Variants in CDH7 observed in about 807,000 individuals in gnomAD.
CDH7 encodes cadherin 7.
CDH7 carries 25 observed loss-of-function variants against 71.8 expected under a neutral mutation model. The observed-to-expected ratio is 0.35, with a 90% CI of 0.25 to 0.49. The LOEUF is 0.49. Among genes scored for constraint, CDH7 ranks in the 20% least tolerant of loss-of-function variants. CDH7 has a pLI of 0.99. For synonymous variants in CDH7, 381 were observed against 363.8 expected, an observed-to-expected ratio of 1.05 and a Z score of -0.54; for missense variants, 862 against 974.6, an observed-to-expected ratio of 0.88 and a Z score of 1.54.
intron 6 of CDH7, among the ~76,000 whole-genome samples, chr18:65,841,460 C>T (rs962521210): frequency 1.3e-5 from 2 of 152,020 alleles, no homozygotes; most frequent in South Asian, 2.1e-4. Flanking sequence ...GCTGACAAAT[C>T]GGATTTCTAA....
At chr18:65,768,962 C>T (rs531665752) in intron 2 of CDH7, among the ~76,000 whole-genome samples, 8 of 151,156 alleles carry the variant, frequency 5.3e-5, no homozygotes, top group East Asian at 1.9e-4. Context: ...AAATATTTAT[C>T]GCATACTTAT....
chr18:65,868,385 C>T (rs1913829529), intron 11 of CDH7, among the ~76,000 whole-genome samples: 1 of 152,160 alleles, frequency 6.6e-6, no homozygotes, highest in South Asian at 2.1e-4. Context: ...AGGAAATACA[C>T]AAAAAGTTAC....
Position 65,884,587 on chromosome 18 carries a change from C to T in CDH7, c.*3693C>T, listed in dbSNP as rs1033668227. 2 of 152,120 alleles carry T rather than the reference C, an allele frequency of 1.3e-5. No individual in the cohort carries two copies. The highest frequency in any genetic ancestry group is 4.8e-5 in the African/African-American group (2 of 41,422). The allele number at this position is 152,120 out of a possible 1,614,324, so 9.4% of individuals were successfully genotyped here. On this transcript the variant is annotated 3_prime_UTR_variant, in exon 12 of 12. Coordinates refer to ENST00000397968, the MANE Select transcript of CDH7 (RefSeq NM_004361.5). ...TAGACATAGGCAATTATTTTCATGTCAACGGCATAGTTACACAATGTAGGA... is the reference window on the plus strand; with the variant it reads ...TAGACATAGGCAATTATTTTCATGTTAACGGCATAGTTACACAATGTAGGA...
chr18:65,852,414 A>G (rs753230675), intron 7 of CDH7, among the ~76,000 whole-genome samples: 1 of 152,282 alleles, frequency 6.6e-6, no homozygotes, highest in South Asian at 2.1e-4. Flanking sequence ...GTCTGGAGCT[A>G]TGCTTTCAAG....
At chr18:65,865,686 G>A (rs942072318) in intron 11 of CDH7, 7 of 152,120 alleles carry the variant, frequency 4.6e-5, no homozygotes, top group African/African-American at 1.7e-4. Context: ...AGATAATCAG[G>A]AATTTTTATA....
intron 4 of CDH7, among the ~76,000 whole-genome samples, chr18:65,821,593 G>A (rs905552408): frequency 6.6e-6 from 1 of 152,118 alleles, no homozygotes; most frequent in Admixed American, 6.5e-5. Flanking sequence ...AGATGTATGT[G>A]TGTGTTTGTG....
At chr18:65,763,592 GGGGTGTGTGTGT>G (rs1207726546) in intron 2 of CDH7, among the ~76,000 whole-genome samples, 25 of 131,092 alleles carry the variant, frequency 1.9e-4, no homozygotes, top group South Asian at 9.2e-4. Context: ...TTTTGATAGG[GGGGTGTGTGTGT>G]GTGTGTGTGT....
rs989427938 is a variant in CDH7 at position 65,867,716 on chromosome 18, C to T, written c.1864+4799C>T. Among the ~76,000 whole-genome samples, 5 of 152,290 alleles carry T rather than the reference C, an allele frequency of 3.3e-5. No individual in the cohort carries two copies. In the South Asian group the frequency reaches 1.0e-3, roughly 32 times the overall value. ...ATATTAAGTTTTGGGTGTTTCTGTA[C>T]TTGGACTTCCAGGGCCCAGTAATTG... On this transcript the variant is annotated intron_variant, in intron 11 of 11. Coordinates refer to ENST00000397968, the MANE Select transcript of CDH7 (RefSeq NM_004361.5).
chr18:65,861,948 A>G (rs1913579064), intron 10 of CDH7, among the ~76,000 whole-genome samples: 1 of 152,142 alleles, frequency 6.6e-6, no homozygotes, highest in Non-Finnish European at 1.5e-5. Flanking sequence ...GCTAACACAC[A>G]CAAAACATAT....
chr18:65,857,639 T>C (rs564824549), intron 7 of CDH7, among the ~76,000 whole-genome samples, 177 bp from the exon 8 acceptor site: 2 of 152,286 alleles, frequency 1.3e-5, no homozygotes, highest in South Asian at 4.1e-4. Flanking sequence ...ACACAGGTTA[T>C]AAACCATCTA....
chr18:65,777,212 G>A (rs557506431), intron 2 of CDH7, among the ~76,000 whole-genome samples: 219 of 142,494 alleles, frequency 1.5e-3, no homozygotes, highest in African/African-American at 6.5e-3. Context: ...GCTTCCTGCA[G>A]TGTAATTCTG....
At position 65,824,808 on chromosome 18, in the gene CDH7, G is replaced by A; in HGVS notation, c.958G>A (p.Glu320Lys). 1.2e-6 allele frequency: 2 copies of A among 1,610,872 alleles called. No individual in the cohort carries two copies. The highest frequency in any genetic ancestry group is 1.3e-5 in the African/African-American group (1 of 74,918). The change falls in exon 6 of 12, where the codon GAA becomes AAA. Residue 320 changes from glutamate to lysine, a missense_variant. By Grantham distance (56) the Glu-to-Lys change is moderately conservative. Coordinates refer to ENST00000397968, the MANE Select transcript of CDH7 (RefSeq NM_004361.5). ...FKISVDKETQ[E>K]GIITIQKELD... Reference sequence around the variant, plus strand: ...GATTTCTGTTGACAAAGAAACCCAGGAAGGAATCATTACTATACAGAAGGT... The same window carrying A: ...GATTTCTGTTGACAAAGAAACCCAGAAAGGAATCATTACTATACAGAAGGT...
chr18:65,762,764 C>A lies in CDH7; in HGVS notation c.-79C>A. 8.2e-7 allele frequency: 1 copy of A among 1,218,144 alleles called. No individual in the cohort carries two copies. Among genetic ancestry groups the A allele is most frequent in the Non-Finnish European group, 1.1e-6 (1 of 870,116 alleles). 75.5% of individuals were successfully genotyped at this position (1,218,144 alleles called of 1,614,324 possible). A position where few individuals can be genotyped will look rare whatever the true frequency, so the allele number is the denominator to read the frequency against. The stretch of plus-strand genomic sequence containing the variant: ...GCTGACACCCTGCCGGAGGCAAGAG[C>A]TACTAAGCCAACTGGAACTGTGCCT... On this transcript the variant is annotated 5_prime_UTR_variant, in exon 2 of 12. Coordinates refer to ENST00000397968, the MANE Select transcript of CDH7 (RefSeq NM_004361.5).
At position 65,866,307 on chromosome 18, in the gene CDH7, AAAAAAAACAAAAAAAAAAAAAAAC is replaced by A. The variant is rs1913751847; in HGVS notation, c.1864+3398_1864+3421del. On this transcript the variant is annotated intron_variant, in intron 11 of 11. Transcript: ENST00000397968. ...GAGCAAGACTCCGTCTCAAAAAAAAAAAAAAAACAAAAAAAAAAAAAAACAAAAAAAAAAAAAAAAAGAATGAAA... is the reference window on the plus strand; with the variant it reads ...GAGCAAGACTCCGTCTCAAAAAAAAAAAAAAAAAAAAAAAAAAGAATGAAA... The A allele has an allele frequency of 5.6e-4, 2 of 3,560 alleles. 1 individual carries two copies. The highest frequency in any genetic ancestry group is 1.1e-3 in the African/African-American group (2 of 1,788). 0.2% of individuals were successfully genotyped at this position (3,560 alleles called of 1,614,324 possible).
At chr18:65,776,700 C>T (rs1044311433) in intron 2 of CDH7, among the ~76,000 whole-genome samples, 1 of 152,086 alleles carries the variant, frequency 6.6e-6, no homozygotes, top group Non-Finnish European at 1.5e-5. Context: ...TGAAGTTTGG[C>T]TCCAACCTAT....
At chr18:65,874,135 C>A (rs1027855458) in intron 11 of CDH7, among the ~76,000 whole-genome samples, 2 of 152,062 alleles carry the variant, frequency 1.3e-5, no homozygotes, top group Admixed American at 1.3e-4. Flanking sequence ...GCAATCAGTA[C>A]TCATTAAAAA....
At chr18:65,823,593 T>G (rs1912016830) in intron 5 of CDH7, among the ~76,000 whole-genome samples, 1 of 151,916 alleles carries the variant, frequency 6.6e-6, no homozygotes, top group Admixed American at 6.6e-5. Flanking sequence ...TGAAGGACAC[T>G]TTGAGATATG....
At chr18:65,833,631 A>C (rs1011539466) in intron 6 of CDH7, among the ~76,000 whole-genome samples, 5 of 152,180 alleles carry the variant, frequency 3.3e-5, no homozygotes, top group African/African-American at 7.2e-5. Context: ...AGTATATACT[A>C]GCATACTTTA....
At chr18:65,775,786 A>G (rs993062347) in intron 2 of CDH7, among the ~76,000 whole-genome samples, 1 of 152,270 alleles carries the variant, frequency 6.6e-6, no homozygotes, top group South Asian at 2.1e-4. Context: ...TAAGGAAAAA[A>G]CAAGGAAGAA....
Sources: allele counts gnomAD v4.1 joint callset (sites outside exome capture counted in the v4.1 genomes callset), GRCh38; gene constraint gnomAD v4.1.1; transcripts MANE v1.5; gene names NCBI Gene and HGNC (gene_info 2026-07-23, HGNC 2026-07-21).